Variants in PTPRG observed in about 807,000 individuals in gnomAD.
PTPRG encodes the protein protein tyrosine phosphatase receptor type G.
A neutral mutation model predicts 165.3 loss-of-function variants in PTPRG; 102 were observed. The ratio of observed to expected loss-of-function variants is 0.62; its 90% CI spans 0.53 to 0.73. The LOEUF is 0.73. Among genes scored for constraint, PTPRG ranks in the 30% least tolerant of loss-of-function variants. PTPRG has a pLI of 0.00. For synonymous variants in PTPRG, 675 were observed against 669.5 expected (o/e 1.01, Z -0.13); for missense variants, 1,866 against 1,861.4 (o/e 1.00, Z -0.05).
At chr3:61,957,106 C>A (rs2040050310) in intron 2 of PTPRG, among the ~76,000 whole-genome samples, 1 of 152,110 alleles carries the variant, frequency 6.6e-6, no homozygotes, top group South Asian at 2.1e-4. Flanking sequence ...TCACCTGAAA[C>A]AGCAAATAAA....
At chr3:61,787,843 T>C (rs557018513) in intron 2 of PTPRG, among the ~76,000 whole-genome samples, 1 of 152,018 alleles carries the variant, frequency 6.6e-6, no homozygotes, top group African/African-American at 2.4e-5. Context: ...ATGACGGCTT[T>C]AGTGATACCC....
In PTPRG at chr3:62,203,812, T is replaced by G; in HGVS notation, c.2017T>G (p.Ser673Ala). 9 of 1,613,804 alleles carry G rather than the reference T, an allele frequency of 5.6e-6. No individual in the cohort carries two copies. The highest frequency in any genetic ancestry group is 7.6e-6 in the Non-Finnish European group (9 of 1,179,936). Residue 673 changes from serine (S) to alanine (A), a missense_variant, in exon 12 of 30, where the codon TCC becomes GCC. Transcript: ENST00000474889. This position sits in a 1 kb window ranked among gnomAD's most constrained non-coding sequence, Gnocchi z 6.4. ...GPGLDPDMVT[S>A]TQVPPTATEE... ...AGGCCTGGACCCCGACATGGTCACC[T>G]CCACCCAAGTGCCCCCCACCGCCAC...
chr3:61,889,110 A>G (rs894896957), intron 2 of PTPRG, among the ~76,000 whole-genome samples: 2 of 152,208 alleles, frequency 1.3e-5, no homozygotes, highest in Non-Finnish European at 2.9e-5. Flanking sequence ...CTGTGTAAAT[A>G]CCATATTTTT....
intron 1 of PTPRG, among the ~76,000 whole-genome samples, chr3:61,696,138 TC>T (rs1246205722): frequency 6.6e-6 from 1 of 152,164 alleles, no homozygotes. Context: ...ACCCCAAAAT[TC>T]CCCCAATGCT....
chr3:61,887,119 CATGCATATATATATATATATAT>C lies in PTPRG; in HGVS notation c.191-102503_191-102482del, dbSNP rs1487436155. ...AACTATTTTTAAAGTATAACCATAG[CATGCATATATATATATATATAT>C]ATATATATATATATATATATATATA... On this transcript the variant is annotated intron_variant, in intron 2 of 29. Transcript: ENST00000474889. 1.6e-3 allele frequency among the ~76,000 whole-genome samples: 170 copies of C among 103,418 alleles called. 10 individuals are homozygous for C. The highest frequency in any genetic ancestry group is 5.0e-3 in the African/African-American group (124 of 24,622). 67.8% of individuals were successfully genotyped at this position (103,418 alleles called of 152,430 possible).
At chr3:61,618,201 A>G (rs1300050721) in intron 1 of PTPRG, among the ~76,000 whole-genome samples, 4 of 152,236 alleles carry the variant, frequency 2.6e-5, no homozygotes, top group Admixed American at 1.3e-4. Flanking sequence ...AGGCTTAAAA[A>G]AATCCATTTG....
intron 4 of PTPRG, among the ~76,000 whole-genome samples, chr3:62,070,485 A>G (rs1338509760): frequency 2.0e-5 from 3 of 152,184 alleles, no homozygotes; most frequent in Non-Finnish European, 4.4e-5. Context: ...GAAATAAATT[A>G]CTAGTATTTA....
intron 26 of PTPRG, among the ~76,000 whole-genome samples, chr3:62,279,204 C>A (rs1330406128): frequency 6.6e-6 from 1 of 151,916 alleles, no homozygotes; most frequent in Non-Finnish European, 1.5e-5. Context: ...TGTAAGGAGC[C>A]CAAAAGTCAC....
At chr3:61,949,740 TTTTG>T (rs1270621599) in intron 2 of PTPRG, among the ~76,000 whole-genome samples, 46 of 116,786 alleles carry the variant, frequency 3.9e-4, no homozygotes, top group African/African-American at 1.7e-3. Flanking sequence ...TTTTTTTTTT[TTTTG>T]TTTGTTTGTT....
intron 2 of PTPRG, among the ~76,000 whole-genome samples, chr3:61,782,850 T>G (rs779512219): frequency 1.3e-5 from 2 of 152,170 alleles, no homozygotes; most frequent in Non-Finnish European, 2.9e-5. Flanking sequence ...TTGCCCAGGT[T>G]GGAGTGCAGT....
chr3:61,879,744 A>G (rs1420331303), intron 2 of PTPRG, among the ~76,000 whole-genome samples: 1 of 151,980 alleles, frequency 6.6e-6, no homozygotes, highest in African/African-American at 2.4e-5. Context: ...TGTAACTAGA[A>G]CCTCCAGTGC....
At chr3:62,193,165 C>A (rs955204910) in intron 9 of PTPRG, among the ~76,000 whole-genome samples, 1 of 152,182 alleles carries the variant, frequency 6.6e-6, no homozygotes, top group African/African-American at 2.4e-5. Context: ...AGATGGCTTG[C>A]ATTAATCAGC....
rs751739276 is a variant in PTPRG at position 61,562,287 on chromosome 3, C to T, written c.-1C>T. ...CCTCTTTTCGATGTGCGTTTTCGGA[C>T]ATGCGGAGGTTACTGGAACCGTGTT... On this transcript the variant is annotated 5_prime_UTR_variant, in exon 1 of 30. Transcript: ENST00000474889. The T allele has an allele frequency of 4.3e-6, 7 of 1,613,286 alleles. No homozygotes were observed. The highest frequency in any genetic ancestry group is 1.3e-5 in the African/African-American group (1 of 74,902).
chr3:62,199,224 T>TA (rs2106828265), intron 10 of PTPRG, among the ~76,000 whole-genome samples: 1 of 152,310 alleles, frequency 6.6e-6, no homozygotes, highest in African/African-American at 2.4e-5. Context: ...GGAGGCTATA[T>TA]TTAGGCTGGG....
At chr3:61,778,004 T>A (rs2034435314) in intron 2 of PTPRG, among the ~76,000 whole-genome samples, 1 of 152,190 alleles carries the variant, frequency 6.6e-6, no homozygotes, top group Non-Finnish European at 1.5e-5. Flanking sequence ...CATTCACTCA[T>A]TCATTCATTC....
chr3:61,992,403 G>A (rs757384599), intron 3 of PTPRG, among the ~76,000 whole-genome samples: 11 of 152,096 alleles, frequency 7.2e-5, no homozygotes, highest in Non-Finnish European at 1.2e-4. Flanking sequence ...CTGTTGCCCG[G>A]GCTGGAGTTC....
chr3:62,226,958 T>C (rs528267153), intron 13 of PTPRG, among the ~76,000 whole-genome samples: 28 of 152,314 alleles, frequency 1.8e-4, no homozygotes, highest in African/African-American at 6.3e-4. Context: ...TTTGTTGACA[T>C]TGCAATTTTT....
chr3:61,899,983 A>C lies in PTPRG; in HGVS notation c.191-89642A>C, dbSNP rs77074411. Among the ~76,000 whole-genome samples, 180 of 152,356 alleles carry C rather than the reference A, an allele frequency of 1.2e-3. 3 individuals are homozygous for C. In the East Asian group the frequency reaches 0.032, roughly 27 times the overall value. ...CATCGTTGTGAAGAATTACTTTAAA[A>C]AATGACTGCAAAGCACTTTGCAAAT... On this transcript the variant is annotated intron_variant, in intron 2 of 29. Transcript: ENST00000474889.
At chr3:61,817,615 G>A (rs1255966487) in intron 2 of PTPRG, among the ~76,000 whole-genome samples, 1 of 152,148 alleles carries the variant, frequency 6.6e-6, no homozygotes, top group East Asian at 1.9e-4. Flanking sequence ...AATATGTGTG[G>A]ATGGGACAAA....
Sources: gnomAD v4.1 joint callset for allele counts (sites outside exome capture counted in the v4.1 genomes callset) on GRCh38, gnomAD v4.1.1 for gene constraint, Gnocchi (gnomAD v3.1) non-coding constraint, MANE v1.5 for transcripts, NCBI Gene and HGNC (gene_info 2026-07-23, HGNC 2026-07-21) for gene names.